The following PADI1 variants were observed in gnomAD, a reference collection of about 807,000 sequenced individuals.
PADI1 encodes the protein protein-arginine deiminase type-1.
A neutral mutation model predicts 74.8 loss-of-function variants in PADI1; 65 were observed. The ratio of observed to expected loss-of-function variants is 0.87; its 90% confidence interval spans 0.71 to 1.07. PADI1 has a LOEUF of 1.07. PADI1 is among the 50% of genes least tolerant of loss of function. PADI1 has a pLI of 0.00. For synonymous variants in PADI1, 371 were observed against 336.2 expected (o/e 1.10, Z -1.13); for missense variants, 943 against 854.0 (o/e 1.10, Z -1.30).
At chr1:17,230,251 G>C (rs1375230370) in intron 9 of PADI1, 43 bp downstream of exon 9, 2 of 1,595,622 alleles carry the variant, frequency 1.3e-6, no homozygotes. Context: ...GCCTGGCTTG[G>C]GGAAAGGGAA....
At chr1:17,233,660 C>A (rs1049851028) in intron 11 of PADI1, among the ~76,000 whole-genome samples, 1 of 152,230 alleles carries the variant, frequency 6.6e-6, no homozygotes, top group African/African-American at 2.4e-5. Flanking sequence ...TGTTTCCTCC[C>A]TGGAGATGAC....
chr1:17,228,540 A>G, intron 6 of PADI1, 85 bp from the exon 7 acceptor site: 2 of 1,477,010 alleles, frequency 1.4e-6, no homozygotes, highest in Non-Finnish European at 1.9e-6. Context: ...TGCTCTAACC[A>G]CAAAGGGGGC....
intron 1 of PADI1, among the ~76,000 whole-genome samples, chr1:17,221,184 C>T (rs1334035122): frequency 1.3e-5 from 2 of 152,160 alleles, no homozygotes; most frequent in Non-Finnish European, 2.9e-5. Flanking sequence ...GGCTTGAATC[C>T]CCCTGCAGAG....
intron 1 of PADI1, among the ~76,000 whole-genome samples, 180 bp downstream of exon 1, chr1:17,205,489 T>C (rs2071659723): frequency 6.6e-6 from 1 of 152,132 alleles, no homozygotes; most frequent in Non-Finnish European, 1.5e-5. Flanking sequence ...CAGGTCCTCC[T>C]TGGGGCCCCA....
chr1:17,224,215 C>T (rs976861891), intron 3 of PADI1, 152 bp from the exon 4 acceptor site: 1 of 670,836 alleles, frequency 1.5e-6, no homozygotes, highest in Non-Finnish European at 2.7e-6. Context: ...GGGCAAGCCA[C>T]AGAGGTCTCC....
Position 17,225,825 on chromosome 1 carries a change from G to C in PADI1, c.423G>C (p.Trp141Cys). The change falls in exon 5 of 16, where the codon TGG becomes TGC. Residue 141 changes from tryptophan (W) to cysteine (C), a missense_variant. Coordinates refer to ENST00000375471, the MANE Select transcript of PADI1 (RefSeq NM_013358.3). Reference protein sequence around the residue: ...RSQGDKKTWRWGPEGYGAILL... With the variant: ...RSQGDKKTWRCGPEGYGAILL... ...TTTTGCCACAGAAAACCTGGCGCTG[G>C]GGCCCTGAGGGCTATGGGGCTATCT... The C allele has an allele frequency of 6.2e-7, 1 of 1,613,838 alleles. No homozygotes were observed. The highest frequency in any genetic ancestry group is 8.5e-7 in the Non-Finnish European group (1 of 1,179,774).
rs1481729560 is a variant in PADI1, at chr1:17,227,550, TAAATAAATAA to T, written c.653-1073_653-1064del. 3.5e-5 allele frequency among the ~76,000 whole-genome samples: 5 copies of T among 141,866 alleles called. No individual in the cohort carries two copies. The East Asian group carries it at 9.7e-4, about 28-fold the overall frequency. 93.1% of individuals were successfully genotyped at this position (141,866 alleles called of 152,430 possible). A position where few individuals can be genotyped will look rare whatever the true frequency, so the allele number is the denominator to read the frequency against. On this transcript the variant is annotated intron_variant, in intron 6 of 15. Coordinates refer to ENST00000375471, the MANE Select transcript of PADI1 (RefSeq NM_013358.3). The stretch of plus-strand genomic sequence containing the variant: ...TGTCTCAAATAAATAAATAAATAAA[TAAATAAATAA>T]ATAAATAAATAAATAAATAAATTAC...
chr1:17,214,609 A>G (rs542862521), intron 1 of PADI1, among the ~76,000 whole-genome samples: 2 of 152,266 alleles, frequency 1.3e-5, no homozygotes, highest in African/African-American at 4.8e-5. Context: ...AGACATCACC[A>G]AAGAGAAGCA....
Position 17,245,290 on chromosome 1 carries a change from C to G in PADI1, c.*1047C>G, listed in dbSNP as rs1375804603. On this transcript the variant is annotated 3_prime_UTR_variant, in exon 16 of 16. Transcript: ENST00000375471. This position sits in a 1 kb window ranked among gnomAD's most constrained non-coding sequence, Gnocchi z 4.1. ...GGAAGGCTTGCCCGGTCTCTCTCAG[C>G]AACCCAGGGACCCTGCACATAGCTT... The G allele has an allele frequency of 6.5e-6, 1 of 152,698 alleles. No homozygotes were observed. Among genetic ancestry groups the G allele is most frequent in the Non-Finnish European group, 1.5e-5 (1 of 68,070 alleles). 9.5% of individuals were successfully genotyped at this position (152,698 alleles called of 1,614,324 possible). A position where few individuals can be genotyped will look rare whatever the true frequency, so the allele number is the denominator to read the frequency against.
intron 1 of PADI1, among the ~76,000 whole-genome samples, chr1:17,205,956 C>T (rs2071672048): frequency 6.6e-6 from 1 of 152,146 alleles, no homozygotes; most frequent in African/African-American, 2.4e-5. Flanking sequence ...TCTGAGGGGG[C>T]ATCAGTAGCA....
At chr1:17,243,561 G>T (rs1300423830) in intron 15 of PADI1, among the ~76,000 whole-genome samples, 1 of 152,234 alleles carries the variant, frequency 6.6e-6, no homozygotes, top group African/African-American at 2.4e-5. Flanking sequence ...GCCAAAGACA[G>T]TTAAGCAAGC....
At chr1:17,211,024 G>A (rs1194530893) in intron 1 of PADI1, among the ~76,000 whole-genome samples, 2 of 152,208 alleles carry the variant, frequency 1.3e-5, no homozygotes, top group African/African-American at 2.4e-5. Flanking sequence ...ATTTCAGGAT[G>A]TGGGTTTCAA....
chr1:17,235,293 G>GGAGGGAAGAAAGGAAGGAA (rs1557479110), intron 11 of PADI1, among the ~76,000 whole-genome samples: 1 of 62,876 alleles, frequency 1.6e-5, no homozygotes, highest in African/African-American at 5.9e-5. Context: ...GAAGGAAGGA[G>GGAGGGAAGAAAGGAAGGAA]GGAAGGAAGG....
intron 12 of PADI1, 135 bp downstream of exon 12, chr1:17,237,593 A>G: frequency 1.3e-6 from 1 of 777,842 alleles, no homozygotes; most frequent in Non-Finnish European, 1.9e-6. Context: ...TTTCTGGGTC[A>G]GGGCACCCTG....
chr1:17,228,625 G>A lies in PADI1; in HGVS notation c.653G>A (p.Gly218Asp), dbSNP rs1339415715. ...SKRVRVFCAR[G>D]GNSLSDYKQV... ...AGCCCCTGACTCTTGTTCTTCCTAG[G>A]TGGGAATTCTCTCTCGGACTACAAA... is the stretch of plus-strand genomic sequence containing the variant. The change falls in exon 7 of 16, where the codon GGT becomes GAT. Residue 218 changes from glycine to aspartate, a missense_variant and splice_region_variant. Gly to Asp is a moderately conservative substitution (Grantham distance 94). Coordinates refer to ENST00000375471, the MANE Select transcript of PADI1 (RefSeq NM_013358.3). 6.2e-7 allele frequency: 1 copy of A among 1,614,174 alleles called. No homozygotes were observed. The highest frequency in any genetic ancestry group is 8.5e-7 in the Non-Finnish European group (1 of 1,180,018).
rs1055329172 is a variant in PADI1 at position 17,223,699 on chromosome 1, T to G, written c.346+6T>G. 6.2e-7 allele frequency: 1 copy of G among 1,612,626 alleles called. No individual in the cohort carries two copies. ...GCTTTACCTCACTGGCGTCGGTAAG[T>G]AGCAGCTCCCTGGCTGCCCATCTAT... On this transcript the variant is annotated splice_donor_region_variant and intron_variant, in intron 3 of 15. Coordinates refer to ENST00000375471, the MANE Select transcript of PADI1 (RefSeq NM_013358.3).
intron 10 of PADI1, among the ~76,000 whole-genome samples, chr1:17,232,134 G>T (rs577975142): frequency 6.6e-6 from 1 of 152,110 alleles, no homozygotes; most frequent in African/African-American, 2.4e-5. Flanking sequence ...TTTTAGTAGA[G>T]ATGGGGTTTC....
rs141391701 is a variant in PADI1, at chr1:17,213,721, T to C, written c.92+8412T>C. On this transcript the variant is annotated intron_variant, in intron 1 of 15. Transcript: ENST00000375471. ...GGCAGGTGCTTGAAAATGCAGGCTC[T>C]TTCCCTGCCCCACTAGAACCCATGG... is the stretch of plus-strand genomic sequence containing the variant. Among the ~76,000 whole-genome samples the C allele has an allele frequency of 8.5e-5, 13 of 152,334 alleles. No individual in the cohort carries two copies. In the East Asian group the frequency reaches 2.5e-3, roughly 29 times the overall value.
intron 1 of PADI1, among the ~76,000 whole-genome samples, chr1:17,208,799 A>C (rs1039290543): frequency 1.3e-5 from 2 of 152,222 alleles, no homozygotes; most frequent in Non-Finnish European, 2.9e-5. Context: ...AGTGTGAGGA[A>C]TCCATCTGCG....
Sources: allele counts gnomAD v4.1 joint callset (sites outside exome capture counted in the v4.1 genomes callset), GRCh38; gene constraint gnomAD v4.1.1; non-coding constraint Gnocchi (gnomAD v3.1); transcripts MANE v1.5; gene names NCBI Gene and HGNC (gene_info 2026-07-23, HGNC 2026-07-21).